Variants in ERBB4 observed in about 807,000 individuals in gnomAD.
ERBB4 encodes the protein erb-b2 receptor tyrosine kinase 4, also known as receptor tyrosine-protein kinase erbB-4.
ERBB4 carries 42 observed loss-of-function variants against 158.0 expected under a neutral mutation model. The ratio of observed to expected loss-of-function variants is 0.27; its 90% CI spans 0.21 to 0.34. The LOEUF is 0.34. Ranked by LOEUF, ERBB4 falls within the 10% of genes least tolerant of loss-of-function variation. ERBB4 has a pLI of 1.00. For missense variants in ERBB4, 1,333 were observed against 1,624.1 expected, an observed-to-expected ratio of 0.82 and a Z score of 3.08; for synonymous variants, 583 against 558.7, an observed-to-expected ratio of 1.04 and a Z score of -0.61.
intron 1 of ERBB4, among the ~76,000 whole-genome samples, chr2:212,244,610 T>C (rs2084243805): frequency 6.6e-6 from 1 of 152,168 alleles, no homozygotes; most frequent in South Asian, 2.1e-4. Context: ...TATTTCACCA[T>C]ATGTTTTATT....
intron 1 of ERBB4, among the ~76,000 whole-genome samples, chr2:212,495,552 T>C (rs1471834787): frequency 2.6e-5 from 4 of 152,304 alleles, no homozygotes; most frequent in South Asian, 4.1e-4. Flanking sequence ...AAAAAGTATA[T>C]GTAGCTGAAA....
chr2:212,027,953 T>C (rs1351340262), intron 2 of ERBB4, among the ~76,000 whole-genome samples: 1 of 152,114 alleles, frequency 6.6e-6, no homozygotes, highest in Non-Finnish European at 1.5e-5. Context: ...GTACAACTCA[T>C]AATCATAAAA....
chr2:211,386,582 G>C (rs1055823258), intron 27 of ERBB4, among the ~76,000 whole-genome samples: 1 of 152,170 alleles, frequency 6.6e-6, no homozygotes, highest in Non-Finnish European at 1.5e-5. Context: ...TCTCAAGACT[G>C]ATTGCTGTAT....
chr2:211,867,895 C>A (rs1331999871), intron 3 of ERBB4, among the ~76,000 whole-genome samples: 1 of 152,184 alleles, frequency 6.6e-6, no homozygotes, highest in Non-Finnish European at 1.5e-5. Flanking sequence ...ATCTCTATGA[C>A]TGAGGACTTT....
At chr2:211,503,421 G>T (rs115524084) in intron 20 of ERBB4, among the ~76,000 whole-genome samples, 1 of 152,126 alleles carries the variant, frequency 6.6e-6, no homozygotes, top group African/African-American at 2.4e-5. Context: ...AGGCCCGCCA[G>T]TTTCTCCCAA....
intron 1 of ERBB4, among the ~76,000 whole-genome samples, chr2:212,236,946 T>C (rs1367432605): frequency 6.6e-6 from 1 of 152,046 alleles, no homozygotes. Flanking sequence ...TTTTGAAGGG[T>C]TTTTCATGTC....
intron 2 of ERBB4, among the ~76,000 whole-genome samples, chr2:211,992,562 AGAG>A (rs772335928): frequency 1.9e-4 from 13 of 67,530 alleles, no homozygotes; most frequent in Non-Finnish European, 6.7e-4. Flanking sequence ...AGAGAGAGAG[AGAG>A]AGAAAAAAAA....
intron 19 of ERBB4, among the ~76,000 whole-genome samples, chr2:211,595,440 A>G (rs866627122): frequency 9.9e-5 from 15 of 152,200 alleles, no homozygotes; most frequent in African/African-American, 3.6e-4. Context: ...AATAGAAAAA[A>G]TATATGTGGT....
chr2:212,399,547 T>TATATATATATATATAC (rs2091134455), intron 1 of ERBB4, among the ~76,000 whole-genome samples: 1 of 10,356 alleles, frequency 9.7e-5, no homozygotes, highest in Admixed American at 8.1e-4. Context: ...TATATATACA[T>TATATATATATATATAC]ATATATATAT....
chr2:211,660,544 G>A (rs1025821302), intron 15 of ERBB4, among the ~76,000 whole-genome samples: 23 of 152,212 alleles, frequency 1.5e-4, no homozygotes, highest in Admixed American at 1.4e-3. Context: ...GTTAGGGGAT[G>A]AGGAGTTGAT....
chr2:211,523,647 T>A (rs1196889603), intron 20 of ERBB4, among the ~76,000 whole-genome samples: 2 of 151,894 alleles, frequency 1.3e-5, no homozygotes, highest in African/African-American at 2.4e-5. Context: ...CCCGGTGGGC[T>A]CGTGGTCCCG....
intron 1 of ERBB4, among the ~76,000 whole-genome samples, chr2:212,151,627 G>A (rs552512925): frequency 2.1e-4 from 32 of 152,082 alleles, no homozygotes; most frequent in African/African-American, 6.5e-4. Context: ...GGTGGCTCGC[G>A]CCTGTAATCC....
intron 2 of ERBB4, among the ~76,000 whole-genome samples, chr2:212,035,492 G>T (rs2076992526): frequency 6.6e-6 from 1 of 152,140 alleles, no homozygotes; most frequent in Non-Finnish European, 1.5e-5. Flanking sequence ...ACTCAGAAAG[G>T]CTTTTCTGAT....
chr2:211,411,633 G>A (rs1387912566), intron 25 of ERBB4, among the ~76,000 whole-genome samples: 2 of 152,204 alleles, frequency 1.3e-5, no homozygotes, highest in African/African-American at 4.8e-5. Flanking sequence ...AGTTTTGTGT[G>A]TGTGAGTTGG....
At chr2:212,342,502 C>T (rs2088771108) in intron 1 of ERBB4, among the ~76,000 whole-genome samples, 1 of 152,238 alleles carries the variant, frequency 6.6e-6, no homozygotes, top group South Asian at 2.1e-4. Context: ...GTCCATTAAA[C>T]CTCTTTTTCT....
At chr2:211,651,162 C>G (rs778903966) in intron 16 of ERBB4, among the ~76,000 whole-genome samples, 10 of 152,144 alleles carry the variant, frequency 6.6e-5, no homozygotes, top group Non-Finnish European at 1.5e-4. Context: ...TATAAATGTA[C>G]AAAGAGAACC....
At chr2:211,992,877 C>A (rs1186458920) in intron 2 of ERBB4, among the ~76,000 whole-genome samples, 1 of 152,096 alleles carries the variant, frequency 6.6e-6, no homozygotes, top group Non-Finnish European at 1.5e-5. Context: ...TCCAATTTAA[C>A]TAACAACAAA....
chr2:212,290,387 A>G (rs2086161877), intron 1 of ERBB4, among the ~76,000 whole-genome samples: 2 of 152,322 alleles, frequency 1.3e-5, no homozygotes, highest in African/African-American at 2.4e-5. Context: ...TCTTTACCAC[A>G]TCAAAAGACA....
intron 16 of ERBB4, among the ~76,000 whole-genome samples, chr2:211,641,211 C>A (rs6435645): frequency 0.96 from 146,269 of 152,182 alleles, 70,438 homozygotes; most frequent in East Asian, 1. Context: ...TAGGAACATT[C>A]AAAATGCAAA....
Sources: allele counts gnomAD v4.1 joint callset (sites outside exome capture counted in the v4.1 genomes callset), GRCh38; gene constraint gnomAD v4.1.1; transcripts MANE v1.5; gene names NCBI Gene and HGNC (gene_info 2026-07-23, HGNC 2026-07-21).